The following ZNF143 variants were observed in gnomAD, a reference collection of about 807,000 sequenced individuals.
ZNF143 encodes the protein SPH-binding factor.
In ZNF143, 49 loss-of-function variants were observed where a neutral mutation model predicts 74.1. The ratio of observed to expected loss-of-function variants is 0.66; its 90% CI spans 0.53 to 0.84. The LOEUF is 0.84. Ranked by LOEUF, ZNF143 falls within the 40% of genes least tolerant of loss-of-function variation. ZNF143 has a pLI of 0.00. For missense variants in ZNF143, 637 were observed against 793.4 expected (o/e 0.80, Z 2.37); for synonymous variants, 304 against 282.8 (o/e 1.07, Z -0.75).
intron 11 of ZNF143, among the ~76,000 whole-genome samples, 180 bp downstream of exon 11, chr11:9,501,450 C>G (rs1848154513): frequency 2.0e-5 from 3 of 152,130 alleles, no homozygotes; most frequent in African/African-American, 7.2e-5. Flanking sequence ...ATTCAACAAA[C>G]AGTTATTGAG....
intron 3 of ZNF143, among the ~76,000 whole-genome samples, chr11:9,473,489 CTT>C (rs1166126237): frequency 2.6e-5 from 4 of 152,086 alleles, no homozygotes; most frequent in Non-Finnish European, 4.4e-5. Flanking sequence ...CTCAAAAACT[CTT>C]TGTTTCTATG....
chr11:9,504,095 G>C (rs1382531808), intron 11 of ZNF143, among the ~76,000 whole-genome samples: 3 of 149,644 alleles, frequency 2.0e-5, no homozygotes, highest in Non-Finnish European at 4.4e-5. Context: ...CAAGTAGCTG[G>C]GATTACAGAC....
chr11:9,500,489 A>G (rs1462601765), intron 10 of ZNF143, among the ~76,000 whole-genome samples: 1 of 151,906 alleles, frequency 6.6e-6, no homozygotes, highest in Non-Finnish European at 1.5e-5. Flanking sequence ...GCTGGAGTGC[A>G]ACGGTGTAAT....
chr11:9,504,485 A>AAT (rs1848282080), intron 11 of ZNF143, among the ~76,000 whole-genome samples: 1 of 125,704 alleles, frequency 8.0e-6, no homozygotes. Context: ...TTTGCAGTAT[A>AAT]GAAGCTTTTA....
chr11:9,527,882 ACTC>A lies in ZNF143; in HGVS notation c.*272_*274del. 3.5e-6 allele frequency: 1 copy of A among 288,084 alleles called. No individual in the cohort carries two copies. The highest frequency in any genetic ancestry group is 6.5e-6 in the Non-Finnish European group (1 of 154,006). 17.8% of individuals were successfully genotyped at this position (288,084 alleles called of 1,614,324 possible). On this transcript the variant is annotated 3_prime_UTR_variant, in exon 16 of 16. Transcript: ENST00000396602. ...ATGTTACTCTTTTATCAGATCACAA[ACTC>A]CTAGAGTCTACATGCAAGACTAGTA... is the stretch of plus-strand genomic sequence containing the variant.
chr11:9,496,456 C>A (rs547822754), intron 9 of ZNF143, 78 bp downstream of exon 9: 2 of 1,227,922 alleles, frequency 1.6e-6, no homozygotes, highest in East Asian at 2.3e-5. Context: ...GGAACTGACC[C>A]CTTGGCTGTG....
At position 9,512,514 on chromosome 11, in the gene ZNF143, T is replaced by A. The variant is rs545117740; in HGVS notation, c.1442T>A (p.Val481Asp). 1.1e-5 allele frequency: 18 copies of A among 1,614,052 alleles called. No individual in the cohort carries two copies. Among genetic ancestry groups the A allele is most frequent in the Admixed American group, 1.7e-5 (1 of 59,998 alleles). ...TYVTGVEGDD[V>D]VSTQVATVTQ... ...GTTACAGGTGTAGAAGGGGACGACG[T>A]TGTTTCTACACAAGTAGCCACAGTA... The change falls in exon 13 of 16, where the codon GTT (valine) becomes GAT (aspartate). Residue 481 changes from valine (V) to aspartate (D), a missense_variant. Val to Asp is a radical substitution (Grantham distance 152). This residue lies in a region of ZNF143 where 344 missense variants were observed against 485.6 expected (regional missense o/e 0.71). Transcript: ENST00000396602.
intron 15 of ZNF143, 114 bp from the exon 16 acceptor site, chr11:9,527,416 C>CA: frequency 1.1e-6 from 1 of 918,098 alleles, no homozygotes; most frequent in East Asian, 2.5e-5. Flanking sequence ...TTAACAATCC[C>CA]AAGTGTCAGA....
intron 7 of ZNF143, among the ~76,000 whole-genome samples, chr11:9,491,912 G>C (rs1444530831): frequency 6.6e-6 from 1 of 152,068 alleles, no homozygotes; most frequent in African/African-American, 2.4e-5. Flanking sequence ...TTATAGGCTT[G>C]AGCCACTGTG....
intron 8 of ZNF143, among the ~76,000 whole-genome samples, chr11:9,495,821 G>A (rs1159343817): frequency 6.6e-6 from 1 of 152,152 alleles, no homozygotes; most frequent in Non-Finnish European, 1.5e-5. Flanking sequence ...CATTTGTCAT[G>A]GCAACCCTCT....
intron 5 of ZNF143, among the ~76,000 whole-genome samples, chr11:9,476,716 C>G (rs1856913940): frequency 8.9e-6 from 1 of 112,044 alleles, no homozygotes; most frequent in African/African-American, 3.2e-5. Flanking sequence ...TTTAGAAAGG[C>G]TGTTTTGTTG....
intron 7 of ZNF143, among the ~76,000 whole-genome samples, chr11:9,493,071 C>CTT (rs148050807): frequency 1.1e-4 from 15 of 137,338 alleles, no homozygotes; most frequent in East Asian, 4.2e-4. Flanking sequence ...ATTATGCCTA[C>CTT]TTTTTTTTTT....
intron 10 of ZNF143, among the ~76,000 whole-genome samples, chr11:9,500,136 G>A (rs924437171): frequency 1.3e-5 from 2 of 151,864 alleles, no homozygotes; most frequent in African/African-American, 4.8e-5. Context: ...TTGTAGAGAC[G>A]GGGTTTCGCC....
intron 1 of ZNF143, 92 bp downstream of exon 1, chr11:9,461,168 G>T: frequency 1.2e-6 from 1 of 804,354 alleles, no homozygotes; most frequent in Non-Finnish European, 1.5e-6. Flanking sequence ...TTGGGCCCGG[G>T]CTCCGGCTCC....
chr11:9,477,070 A>G (rs1479892201), intron 5 of ZNF143, among the ~76,000 whole-genome samples: 2 of 151,594 alleles, frequency 1.3e-5, no homozygotes, highest in African/African-American at 4.9e-5. Flanking sequence ...AAATTTATAA[A>G]TAAATTTCTT....
At chr11:9,496,486 A>G (rs1213416217) in intron 9 of ZNF143, 108 bp downstream of exon 9, 5 of 902,122 alleles carry the variant, frequency 5.5e-6, no homozygotes, top group Non-Finnish European at 8.8e-6. Flanking sequence ...GCAGAAGCAC[A>G]TGATCAGTTT....
At chr11:9,490,258 A>G (rs1271833725) in intron 7 of ZNF143, among the ~76,000 whole-genome samples, 1 of 151,448 alleles carries the variant, frequency 6.6e-6, no homozygotes, top group East Asian at 1.9e-4. Flanking sequence ...TGGATGGTGG[A>G]ATTATAACAC....
At chr11:9,484,902 A>G (rs1209495916) in intron 7 of ZNF143, among the ~76,000 whole-genome samples, 2 of 140,656 alleles carry the variant, frequency 1.4e-5, no homozygotes, top group South Asian at 2.3e-4. Context: ...GGTTCACGCC[A>G]TTCTCCTGCT....
rs192780843 is a variant in ZNF143 at position 9,515,005 on chromosome 11, G to A, written c.1525-1196G>A. Reference sequence around the variant, plus strand: ...TAGCCGGGTGTGGTGGTGCATGCCTGTAATCCCAGCTACTCGGGAGGCTGA... The same window carrying A: ...TAGCCGGGTGTGGTGGTGCATGCCTATAATCCCAGCTACTCGGGAGGCTGA... On this transcript the variant is annotated intron_variant, in intron 13 of 15. Coordinates refer to ENST00000396602, the MANE Select transcript of ZNF143 (RefSeq NM_003442.6). 2.0e-3 allele frequency among the ~76,000 whole-genome samples: 307 copies of A among 152,298 alleles called. 1 individual carries two copies. Among genetic ancestry groups the A allele is most frequent in the Middle Eastern group, 6.8e-3 (2 of 294 alleles).
Sources: gnomAD v4.1 joint callset for allele counts (sites outside exome capture counted in the v4.1 genomes callset) on GRCh38, gnomAD v4.1.1 for gene constraint, gnomAD v4.1.1 regional missense constraint, MANE v1.5 for transcripts, NCBI Gene and HGNC (gene_info 2026-07-23, HGNC 2026-07-21) for gene names.